The following MYCBPAP variants were observed in gnomAD, a reference collection of about 807,000 sequenced individuals.
The protein encoded by MYCBPAP is MYCBP-associated protein.
In MYCBPAP, 60 loss-of-function variants were observed where a neutral mutation model predicts 106.1. The ratio of observed to expected loss-of-function variants is 0.57; its 90% CI spans 0.46 to 0.70. The LOEUF (loss-of-function observed/expected upper bound fraction) is 0.70. Ranked by LOEUF, MYCBPAP falls within the 30% of genes least tolerant of loss-of-function variation. The pLI, the probability that MYCBPAP is intolerant of heterozygous loss-of-function variation, is 0.00. For missense variants in MYCBPAP, 1,064 were observed against 1,169.3 expected, an observed-to-expected ratio of 0.91 and a Z score of 1.31; for synonymous variants, 407 against 440.6, an observed-to-expected ratio of 0.92 and a Z score of 0.95.
Position 50,508,505 on chromosome 17 carries a change from A to G in MYCBPAP, c.-170A>G, listed in dbSNP as rs978837987. 6.6e-7 allele frequency: 1 copy of G among 1,522,762 alleles called. No homozygotes were observed. The highest frequency in any genetic ancestry group is 8.8e-7 in the Non-Finnish European group (1 of 1,135,676). 94.3% of individuals were successfully genotyped at this position (1,522,762 alleles called of 1,614,324 possible). On this transcript the variant is annotated 5_prime_UTR_variant, in exon 1 of 19. Coordinates refer to ENST00000323776, the MANE Select transcript of MYCBPAP (RefSeq NM_032133.6). ...CGGGCGCGTGCGCGGCCCGATGAAGAAGGAGGTTTCCAAGCCGTCTCCGCC... is the reference window on the plus strand; with the variant it reads ...CGGGCGCGTGCGCGGCCCGATGAAGGAGGAGGTTTCCAAGCCGTCTCCGCC...
chr17:50,523,246 C>G, intron 11 of MYCBPAP, 118 bp downstream of exon 11: 3 of 1,000,238 alleles, frequency 3.0e-6, no homozygotes, highest in Non-Finnish European at 4.5e-6. Context: ...TGCTTCCCTG[C>G]CTTGTCCCTC....
Position 50,519,657 on chromosome 17 carries a change from G to A in MYCBPAP, c.786G>A (p.Gly262=). Residue 262 remains glycine, a synonymous_variant, in exon 7 of 19, where the codon GGG becomes GGA. Coordinates refer to ENST00000323776, the MANE Select transcript of MYCBPAP (RefSeq NM_032133.6). ...RRDRKSWENS[G]FWSRLEYLGD... is the part of the protein sequence containing the mutation. ...CTTGCCAGAGCTGGGAGAACAGTGG[G>A]TTCTGGAGTCGACTGGAATACTTGG... 1 of 1,614,128 alleles carries A rather than the reference G, an allele frequency of 6.2e-7. No individual in the cohort carries two copies. Among genetic ancestry groups the A allele is most frequent in the South Asian group, 1.1e-5 (1 of 91,080 alleles).
intron 7 of MYCBPAP, 52 bp from the exon 8 acceptor site, chr17:50,521,058 G>T: frequency 1.4e-6 from 2 of 1,450,092 alleles, no homozygotes; most frequent in African/African-American, 1.4e-5. Flanking sequence ...AAGTGGGTGA[G>T]CAAGGGGACA....
chr17:50,510,849 G>C (rs998261355), intron 1 of MYCBPAP, among the ~76,000 whole-genome samples: 1 of 151,860 alleles, frequency 6.6e-6, no homozygotes. Flanking sequence ...AGTTGAGAGA[G>C]AGGGAATATC....
intron 18 of MYCBPAP, chr17:50,530,304 G>A: frequency 3.1e-6 from 1 of 322,984 alleles, no homozygotes; most frequent in South Asian, 2.4e-5. Flanking sequence ...GACCAGCCTG[G>A]GCAACATGGT....
intron 4 of MYCBPAP, 104 bp downstream of exon 4, chr17:50,517,802 C>T: frequency 1.0e-6 from 1 of 957,012 alleles, no homozygotes; most frequent in Non-Finnish European, 1.6e-6. Context: ...ACAGTCTAGT[C>T]TGTAGGTTTT....
intron 18 of MYCBPAP, chr17:50,529,806 G>A (rs1413436076): frequency 2.2e-6 from 1 of 456,566 alleles, no homozygotes; most frequent in Non-Finnish European, 4.4e-6. Flanking sequence ...ACACCATGCA[G>A]GGTGCATTCC....
chr17:50,507,941 T>C (rs1236883727), upstream of MYCBPAP, among the ~76,000 whole-genome samples: 1 of 152,158 alleles, frequency 6.6e-6, no homozygotes, highest in Non-Finnish European at 1.5e-5. Flanking sequence ...AGAGGCAGCA[T>C]CTCCAAGGAC....
intron 7 of MYCBPAP, 163 bp from the exon 8 acceptor site, chr17:50,520,947 G>C: frequency 3.3e-6 from 2 of 602,608 alleles, no homozygotes; most frequent in South Asian, 3.9e-5. Context: ...CTGCTGAGGA[G>C]GTATAGGACA....
At chr17:50,518,136 C>A (rs189963825) in intron 4 of MYCBPAP, among the ~76,000 whole-genome samples, 3 of 152,376 alleles carry the variant, frequency 2.0e-5, no homozygotes, top group Non-Finnish European at 4.4e-5. Flanking sequence ...ATCTTTCCAG[C>A]CTTCCCATCA....
rs754819432 is a variant in MYCBPAP at position 50,523,835 on chromosome 17, G to A, written c.1635+51G>A. On this transcript the variant is annotated intron_variant, in intron 12 of 18. Coordinates refer to ENST00000323776, the MANE Select transcript of MYCBPAP (RefSeq NM_032133.6). ...TGTGGACATCAGGTAGGGTATCCTGGTGTTCTTCCTGGCAGTGACTGAAGG... is the reference window on the plus strand; with the variant it reads ...TGTGGACATCAGGTAGGGTATCCTGATGTTCTTCCTGGCAGTGACTGAAGG... The A allele has an allele frequency of 2.6e-6, 4 of 1,540,242 alleles. No individual in the cohort carries two copies. In the African/African-American group the frequency reaches 5.5e-5, roughly 21 times the overall value.
intron 10 of MYCBPAP, 46 bp downstream of exon 10, chr17:50,522,127 G>A (rs749653737): frequency 2.0e-6 from 3 of 1,507,832 alleles, no homozygotes; most frequent in African/African-American, 2.7e-5. Flanking sequence ...TCCCTCAGGG[G>A]TGCAGCCCTG....
At chr17:50,517,923 A>G (rs1441049152) in intron 4 of MYCBPAP, among the ~76,000 whole-genome samples, 1 of 152,240 alleles carries the variant, frequency 6.6e-6, no homozygotes, top group African/African-American at 2.4e-5. Context: ...AGATTGCCTC[A>G]TGGAACCCAA....
intron 1 of MYCBPAP, among the ~76,000 whole-genome samples, chr17:50,512,074 C>T (rs1306911856): frequency 1.5e-5 from 2 of 130,182 alleles, no homozygotes; most frequent in Non-Finnish European, 3.2e-5. Context: ...TTTTTTGAGA[C>T]GGAGTCTTGC....
chr17:50,529,312 C>A, intron 18 of MYCBPAP, 124 bp downstream of exon 18: 2 of 892,584 alleles, frequency 2.2e-6, no homozygotes, highest in Non-Finnish European at 1.7e-6. Flanking sequence ...GGAAGGGCAT[C>A]CTCGTGTGTG....
intron 1 of MYCBPAP, among the ~76,000 whole-genome samples, chr17:50,515,701 G>A (rs1439305599): frequency 1.3e-5 from 2 of 152,182 alleles, no homozygotes; most frequent in Non-Finnish European, 2.9e-5. Flanking sequence ...TAATAACTTG[G>A]GAACCACTGA....
chr17:50,523,763 G>A lies in MYCBPAP; in HGVS notation c.1614G>A (p.Glu538=). ...TCTCCCTGACCCAGGACGTTTTTGA[G>A]GATGAGAGGAAAGTACTGGAGGTAA... ...HAVSLTQDVF[E]DERKVLESKL... is the part of the protein sequence containing the mutation. Residue 538 remains glutamate, a synonymous_variant, in exon 12 of 19, where the codon GAG becomes GAA. Transcript: ENST00000323776. 3 of 1,614,064 alleles carry A rather than the reference G, an allele frequency of 1.9e-6. No individual in the cohort carries two copies. Among genetic ancestry groups the A allele is most frequent in the African/African-American group, 1.3e-5 (1 of 75,038 alleles).
chr17:50,531,268 C>T, intron 18 of MYCBPAP, 59 bp from the exon 19 acceptor site: 1 of 1,123,176 alleles, frequency 8.9e-7, no homozygotes, highest in Non-Finnish European at 1.3e-6. Context: ...CAGCATAGTT[C>T]ATATATAGGT....
chr17:50,513,389 G>GA (rs35533042), intron 1 of MYCBPAP, among the ~76,000 whole-genome samples: 36 of 144,508 alleles, frequency 2.5e-4, no homozygotes, highest in Middle Eastern at 3.5e-3. Flanking sequence ...TCCATCTCAA[G>GA]AAAAAAAAAA....
Sources: gnomAD v4.1 joint callset for allele counts (sites outside exome capture counted in the v4.1 genomes callset) on GRCh38, gnomAD v4.1.1 for gene constraint, MANE v1.5 for transcripts, NCBI Gene and HGNC (gene_info 2026-07-23, HGNC 2026-07-21) for gene names.